IL34: variants seen among roughly 807,000 people sequenced by gnomAD.
The protein encoded by IL34 is interleukin 34.
IL34 carries 17 observed loss-of-function variants against 25.3 expected under a neutral mutation model. The observed-to-expected ratio is 0.67, with a 90% CI of 0.46 to 1.01. The LOEUF (loss-of-function observed/expected upper bound fraction) is 1.01. Ranked by LOEUF, IL34 falls within the 50% of genes least tolerant of loss-of-function variation. The pLI, the probability that IL34 is intolerant of heterozygous loss-of-function variation, is 0.00. For missense variants in IL34, 368 were observed against 312.9 expected (o/e 1.18, Z -1.33); for synonymous variants, 174 against 140.9 (o/e 1.23, Z -1.66).
chr16:70,651,648 C>T (rs2052081487), intron 1 of IL34, among the ~76,000 whole-genome samples: 1 of 151,786 alleles, frequency 6.6e-6, no homozygotes, highest in Non-Finnish European at 1.5e-5. Flanking sequence ...ACCAGAGGGG[C>T]TGCAAGGACA....
chr16:70,609,855 C>A (rs1171011058), intron 1 of IL34, among the ~76,000 whole-genome samples: 1 of 152,172 alleles, frequency 6.6e-6, no homozygotes, highest in Non-Finnish European at 1.5e-5. Flanking sequence ...AGATCTATAG[C>A]TAGAATTGGA....
intron 1 of IL34, among the ~76,000 whole-genome samples, chr16:70,640,676 A>C (rs2051760920): frequency 6.6e-6 from 1 of 152,182 alleles, no homozygotes; most frequent in Admixed American, 6.5e-5. Context: ...TCAATCAATT[A>C]AAGTTATTTT....
intron 1 of IL34, among the ~76,000 whole-genome samples, chr16:70,608,777 C>T (rs900594540): frequency 1.1e-4 from 17 of 152,328 alleles, no homozygotes; most frequent in South Asian, 2.1e-4. Flanking sequence ...ACCTGGGGCT[C>T]ATCATGGGTT....
chr16:70,594,518 C>T (rs1223471571), intron 1 of IL34, among the ~76,000 whole-genome samples: 3 of 152,172 alleles, frequency 2.0e-5, no homozygotes, highest in African/African-American at 7.2e-5. Context: ...TATCCAAAGA[C>T]AGTTACTGAT....
At chr16:70,583,350 C>T (rs1597731716) in intron 1 of IL34, among the ~76,000 whole-genome samples, 1 of 152,024 alleles carries the variant, frequency 6.6e-6, no homozygotes, top group Non-Finnish European at 1.5e-5. Context: ...GATTCACCTG[C>T]CTCAGCCTTC....
In IL34 at chr16:70,646,990, G is replaced by A. The variant is rs2051950499; in HGVS notation, c.28+15G>A. ...CTGGCTGCGCTGTGAGTACTGGGGG[G>A]TCCCTAGGGACCTGCATTGGGAGGC... On this transcript the variant is annotated intron_variant, in intron 1 of 5. Coordinates refer to ENST00000288098, the MANE Select transcript of IL34 (RefSeq NM_001393494.1). 1.4e-6 allele frequency: 2 copies of A among 1,451,942 alleles called. No homozygotes were observed. The highest frequency in any genetic ancestry group is 1.5e-5 in the African/African-American group (1 of 66,204). 89.9% of individuals were successfully genotyped at this position (1,451,942 alleles called of 1,614,324 possible). A position where few individuals can be genotyped will look rare whatever the true frequency, so the allele number is the denominator to read the frequency against.
chr16:70,607,346 C>T (rs1423235303), intron 1 of IL34, among the ~76,000 whole-genome samples: 9 of 152,154 alleles, frequency 5.9e-5, no homozygotes, highest in South Asian at 2.1e-4. Context: ...CCTCGTGATC[C>T]GCCCTCCTCG....
intron 1 of IL34, among the ~76,000 whole-genome samples, chr16:70,608,513 C>A (rs1378480731): frequency 1.3e-5 from 2 of 152,204 alleles, no homozygotes; most frequent in African/African-American, 4.8e-5. Flanking sequence ...TAGGTGCCCC[C>A]AGCACATGGT....
intron 2 of IL34, among the ~76,000 whole-genome samples, chr16:70,655,820 C>T (rs762310937): frequency 6.6e-6 from 1 of 150,848 alleles, no homozygotes; most frequent in Non-Finnish European, 1.5e-5. Flanking sequence ...GTGACTGTCT[C>T]TCCTCAGCCT....
At chr16:70,600,115 T>C (rs965808924) in intron 1 of IL34, among the ~76,000 whole-genome samples, 4 of 152,196 alleles carry the variant, frequency 2.6e-5, no homozygotes, top group Non-Finnish European at 5.9e-5. Flanking sequence ...GTCTGCTATG[T>C]GAGCTTCATC....
intron 1 of IL34, among the ~76,000 whole-genome samples, chr16:70,623,665 T>A (rs370449110): frequency 2.0e-5 from 3 of 151,626 alleles, no homozygotes; most frequent in African/African-American, 4.9e-5. Context: ...AAGAGGAGGA[T>A]GCAAAGGAGG....
chr16:70,593,567 G>C (rs748420642), intron 1 of IL34, among the ~76,000 whole-genome samples: 2 of 152,174 alleles, frequency 1.3e-5, no homozygotes, highest in Non-Finnish European at 2.9e-5. Flanking sequence ...GTCAAGGCTG[G>C]AGTGCAGTGG....
At chr16:70,635,754 G>A (rs1026966864) in intron 1 of IL34, among the ~76,000 whole-genome samples, 17 of 152,146 alleles carry the variant, frequency 1.1e-4, no homozygotes, top group African/African-American at 3.6e-4. Flanking sequence ...AAAAGCCTAC[G>A]TTTTTCCAAA....
intron 1 of IL34, among the ~76,000 whole-genome samples, chr16:70,587,297 TCTCA>T (rs1201832110): frequency 1.3e-5 from 2 of 150,362 alleles, no homozygotes; most frequent in Non-Finnish European, 3.0e-5. Flanking sequence ...TGAGACAGAG[TCTCA>T]CTCTGTTGCC....
chr16:70,626,613 C>G (rs936036426), intron 1 of IL34, among the ~76,000 whole-genome samples: 1 of 152,182 alleles, frequency 6.6e-6, no homozygotes, highest in Admixed American at 6.5e-5. Flanking sequence ...TCAGGCTGGT[C>G]TGGAACTCCT....
chr16:70,656,129 T>A (rs975748488), intron 2 of IL34, among the ~76,000 whole-genome samples: 5 of 152,120 alleles, frequency 3.3e-5, no homozygotes, highest in African/African-American at 1.2e-4. Context: ...CCACCCTGAG[T>A]CCCAGAGGAA....
intron 1 of IL34, among the ~76,000 whole-genome samples, chr16:70,628,428 G>T (rs1227271410): frequency 6.6e-6 from 1 of 151,418 alleles, no homozygotes; most frequent in Non-Finnish European, 1.5e-5. Flanking sequence ...TTGTTGTTAT[G>T]TAAGTGGTCT....
intron 1 of IL34, among the ~76,000 whole-genome samples, chr16:70,624,728 G>A (rs548468761): frequency 9.2e-5 from 14 of 152,062 alleles, no homozygotes; most frequent in African/African-American, 1.4e-4. Context: ...GTCACTGAAC[G>A]AAACTATAAG....
chr16:70,644,813 G>A (rs1025326721), upstream of IL34, among the ~76,000 whole-genome samples: 1 of 146,896 alleles, frequency 6.8e-6, no homozygotes, highest in Non-Finnish European at 1.5e-5. Flanking sequence ...GAATGAAAAG[G>A]AGGAAGGGAG....
Sources: gnomAD v4.1 joint callset for allele counts (sites outside exome capture counted in the v4.1 genomes callset) on GRCh38, gnomAD v4.1.1 for gene constraint, MANE v1.5 for transcripts, NCBI Gene and HGNC (gene_info 2026-07-23, HGNC 2026-07-21) for gene names.